Variants in TGFB2 observed in about 807,000 individuals in gnomAD.
The protein encoded by TGFB2 is transforming growth factor beta 2.
In TGFB2, 13 loss-of-function variants were observed where a neutral mutation model predicts 42.7. That is an observed-to-expected ratio of 0.30 (90% CI 0.20 to 0.48). TGFB2 has a LOEUF of 0.48. TGFB2 is among the 20% of genes least tolerant of loss of function. The probability of loss-of-function intolerance (pLI) is 0.99; values close to 1 mark genes in which losing one functional copy is unlikely to be tolerated. For synonymous variants in TGFB2, 193 were observed against 193.6 expected (o/e 1.00, Z 0.03); for missense variants, 390 against 517.5 (o/e 0.75, Z 2.39).
intron 6 of TGFB2, among the ~76,000 whole-genome samples, chr1:218,439,107 C>CAAAAAA (rs5781035): frequency 9.6e-6 from 1 of 103,926 alleles, no homozygotes; most frequent in Non-Finnish European, 2.0e-5. Context: ...GATCCTGTCT[C>CAAAAAA]AAAAAAAAAA....
chr1:218,420,709 C>T (rs1659427051), intron 2 of TGFB2, among the ~76,000 whole-genome samples: 1 of 152,052 alleles, frequency 6.6e-6, no homozygotes, highest in African/African-American at 2.4e-5. Context: ...CAAAGGTCTG[C>T]GTATGCCATA....
At chr1:218,382,243 T>C (rs1657990179) in intron 1 of TGFB2, among the ~76,000 whole-genome samples, 1 of 152,110 alleles carries the variant, frequency 6.6e-6, no homozygotes, top group Non-Finnish European at 1.5e-5. Flanking sequence ...GTAGAAAAAA[T>C]ATCTTGCCCA....
chr1:218,428,927 A>T (rs1052669035), intron 2 of TGFB2, among the ~76,000 whole-genome samples: 2 of 150,466 alleles, frequency 1.3e-5, no homozygotes, highest in Non-Finnish European at 3.0e-5. Context: ...TACCTTGGGC[A>T]GTATGGCCAT....
chr1:218,436,825 C>T (rs559808858), intron 5 of TGFB2, among the ~76,000 whole-genome samples: 42 of 152,156 alleles, frequency 2.8e-4, no homozygotes, highest in Non-Finnish European at 5.1e-4. Context: ...TGGTTGCCCT[C>T]AGCAAGACTC....
At chr1:218,378,634 C>T (rs967048264) in intron 1 of TGFB2, among the ~76,000 whole-genome samples, 1 of 151,968 alleles carries the variant, frequency 6.6e-6, no homozygotes, top group Non-Finnish European at 1.5e-5. Flanking sequence ...GCTGTTGAGA[C>T]AGAGTCTCAC....
intron 1 of TGFB2, among the ~76,000 whole-genome samples, chr1:218,379,387 G>A (rs10863395): frequency 0.77 from 115,825 of 150,890 alleles, 44,554 homozygotes; most frequent in Non-Finnish European, 0.81. Flanking sequence ...ACCCGCCTTG[G>A]CCTCCCAAAG....
intron 2 of TGFB2, among the ~76,000 whole-genome samples, chr1:218,420,155 C>T (rs993088115): frequency 5.9e-5 from 9 of 152,148 alleles, no homozygotes; most frequent in Non-Finnish European, 1.3e-4. Flanking sequence ...AGCTTGAGGT[C>T]TTGTGGACAG....
chr1:218,437,072 A>G (rs1275885432), intron 5 of TGFB2, among the ~76,000 whole-genome samples: 1 of 152,224 alleles, frequency 6.6e-6, no homozygotes, highest in South Asian at 2.1e-4. Flanking sequence ...AGGTAAATGT[A>G]TGATTTTCCA....
chr1:218,428,759 T>G (rs1266058123), intron 2 of TGFB2, among the ~76,000 whole-genome samples: 1 of 152,158 alleles, frequency 6.6e-6, no homozygotes, highest in Non-Finnish European at 1.5e-5. Context: ...TAGTTTGAAG[T>G]CAGGTAGCAT....
intron 1 of TGFB2, among the ~76,000 whole-genome samples, chr1:218,365,019 A>AC (rs535201358): frequency 1.0e-3 from 155 of 152,164 alleles, no homozygotes; most frequent in Non-Finnish European, 1.2e-3. Context: ...TTTGTTGAAT[A>AC]CCCCCTATGT....
intron 2 of TGFB2, among the ~76,000 whole-genome samples, chr1:218,429,407 T>C (rs895715101): frequency 5.9e-5 from 9 of 152,254 alleles, no homozygotes; most frequent in African/African-American, 1.9e-4. Context: ...CCATGTCATG[T>C]AGCATGTGTC....
intron 1 of TGFB2, among the ~76,000 whole-genome samples, chr1:218,361,942 C>T (rs998311705): frequency 2.0e-5 from 3 of 152,270 alleles, no homozygotes; most frequent in East Asian, 1.9e-4. Context: ...ATAGAATCCC[C>T]GCTGTTGGGT....
chr1:218,367,835 C>T (rs998467591), intron 1 of TGFB2, among the ~76,000 whole-genome samples: 3 of 152,044 alleles, frequency 2.0e-5, no homozygotes, highest in African/African-American at 7.2e-5. Flanking sequence ...TCTCGCTCCT[C>T]GCTCTGTCAC....
At chr1:218,399,047 C>G (rs1658623338) in intron 1 of TGFB2, among the ~76,000 whole-genome samples, 1 of 152,114 alleles carries the variant, frequency 6.6e-6, no homozygotes, top group African/African-American at 2.4e-5. Context: ...CATCACCCAG[C>G]TAATTTTTTA....
At position 218,442,246 on chromosome 1, in the gene TGFB2, A is replaced by G. The variant is rs562961874; in HGVS notation, c.*884A>G. On this transcript the variant is annotated 3_prime_UTR_variant, in exon 7 of 7. Transcript: ENST00000366930. ...TTGACATGTACTGGTCAAACTTCAG[A>G]CCTTAAAATATTGCTGTATAGCTAT... The G allele has an allele frequency of 5.3e-5, 8 of 152,136 alleles. No homozygotes were observed. The highest frequency in any genetic ancestry group is 7.4e-5 in the Non-Finnish European group (5 of 67,968). The allele number at this position is 152,136 out of a possible 1,614,324, so 9.4% of individuals were successfully genotyped here. A position where few individuals can be genotyped will look rare whatever the true frequency, so the allele number is the denominator to read the frequency against.
At chr1:218,366,766 G>C (rs1657400905) in intron 1 of TGFB2, among the ~76,000 whole-genome samples, 1 of 152,168 alleles carries the variant, frequency 6.6e-6, no homozygotes, top group African/African-American at 2.4e-5. Context: ...AGGTGCTTCT[G>C]ACGTCACTAA....
Position 218,428,894 on chromosome 1 carries a change from G to A in TGFB2, c.511-5188G>A, listed in dbSNP as rs548604207. 2.6e-5 allele frequency among the ~76,000 whole-genome samples: 4 copies of A among 152,088 alleles called. No individual in the cohort carries two copies. The East Asian group carries it at 7.7e-4, about 29-fold the overall frequency. On this transcript the variant is annotated intron_variant, in intron 2 of 6. Transcript: ENST00000366930. ...GAAGAAAGCCACTGGTAGCTTGATG[G>A]GGATGGCACTGAATCTATAAATTAC... is the stretch of plus-strand genomic sequence containing the variant.
chr1:218,435,448 C>G (rs1009758016), intron 4 of TGFB2, among the ~76,000 whole-genome samples: 3 of 152,160 alleles, frequency 2.0e-5, no homozygotes, highest in Non-Finnish European at 2.9e-5. Context: ...CACAGCTTCC[C>G]AAAATAGCAT....
At chr1:218,400,294 C>G (rs958577474) in intron 1 of TGFB2, among the ~76,000 whole-genome samples, 7 of 151,974 alleles carry the variant, frequency 4.6e-5, no homozygotes, top group African/African-American at 1.7e-4. Context: ...GTCTCCCTCT[C>G]TCTGTCTCTC....
Sources: allele counts gnomAD v4.1 joint callset (sites outside exome capture counted in the v4.1 genomes callset), GRCh38; gene constraint gnomAD v4.1.1; transcripts MANE v1.5; gene names NCBI Gene and HGNC (gene_info 2026-07-23, HGNC 2026-07-21).